Variants in FGF13 observed in about 807,000 individuals in gnomAD.
FGF13 encodes fibroblast growth factor 13, also known as fibroblast growth factor homologous factor 2.
FGF13 carries 2 observed loss-of-function variants against 19.5 expected under a neutral mutation model. The observed-to-expected ratio is 0.10, with a 90% CI of 0.04 to 0.32. The LOEUF is 0.32. FGF13 is among the 10% of genes least tolerant of loss of function. FGF13 has a pLI of 1.00. For synonymous variants in FGF13, 72 were observed against 76.9 expected, an observed-to-expected ratio of 0.94 and a Z score of 0.33; for missense variants, 113 against 192.7, an observed-to-expected ratio of 0.59 and a Z score of 2.45.
At chrX:138,768,980 G>T (rs373509255) in intron 3 of FGF13, among the ~76,000 whole-genome samples, 9 of 109,499 alleles carry the variant, frequency 8.2e-5, no homozygotes, top group East Asian at 5.7e-4. Context: ...GTGTCTAATT[G>T]TGTTATGCTG....
At position 138,950,827 on chromosome X, in the gene FGF13, T is replaced by G. The variant is rs762654955; in HGVS notation, c.-112-86177A>C. 1.2e-4 allele frequency among the ~76,000 whole-genome samples: 13 copies of G among 111,015 alleles called. No individual in the cohort carries two copies. The South Asian group carries it at 5.0e-3, about 42-fold the overall frequency. Reference sequence around the variant, plus strand: ...GTAACTATAGCCTACCCCTTCTTAATGGGTCATCTCTATTTCAATGGTTCT... The same window carrying G: ...GTAACTATAGCCTACCCCTTCTTAAGGGGTCATCTCTATTTCAATGGTTCT... On this transcript the variant is annotated intron_variant, in intron 1 of 2. Coordinates refer to the FGF13 transcript ENST00000421460.
intron 1 of FGF13, among the ~76,000 whole-genome samples, chrX:139,147,769 A>T (rs1464324035): frequency 9.0e-6 from 1 of 110,639 alleles, no homozygotes; most frequent in African/African-American, 3.3e-5. Context: ...CTTTCTCCTT[A>T]TAAAGACACC....
intron 3 of FGF13, among the ~76,000 whole-genome samples, chrX:138,673,355 A>G (rs899823934): frequency 9.0e-6 from 1 of 110,884 alleles, no homozygotes; most frequent in Non-Finnish European, 1.9e-5. Context: ...CATGTTATTT[A>G]CGTAGCCCGC....
At chrX:138,692,957 A>G (rs1436526615) in intron 3 of FGF13, among the ~76,000 whole-genome samples, 4 of 111,252 alleles carry the variant, frequency 3.6e-5, no homozygotes, top group African/African-American at 1.3e-4. Flanking sequence ...AGCCAGTCAC[A>G]TTCTATTTAG....
chrX:139,188,283 A>G (rs190752763), intron 1 of FGF13, among the ~76,000 whole-genome samples: 97 of 112,567 alleles, frequency 8.6e-4, no homozygotes, highest in Non-Finnish European at 1.5e-3. Context: ...AGTATTGTCT[A>G]TCACCTGAAA....
chrX:138,973,084 T>C (rs775406216), intron 1 of FGF13, among the ~76,000 whole-genome samples: 2 of 112,102 alleles, frequency 1.8e-5, no homozygotes, highest in South Asian at 7.4e-4. Context: ...CTCTAGCTCC[T>C]TGAGGTGTAA....
intron 2 of FGF13, among the ~76,000 whole-genome samples, chrX:138,705,685 G>A (rs1472412860): frequency 8.9e-6 from 1 of 111,893 alleles, no homozygotes; most frequent in Non-Finnish European, 1.9e-5. Flanking sequence ...TGTCTAAAGG[G>A]ACAGTCTGCC....
chrX:138,984,420 GGAAGAAGAAGAAA>G (rs1432932895), intron 1 of FGF13, among the ~76,000 whole-genome samples: 1 of 98,423 alleles, frequency 1.0e-5, no homozygotes, highest in Admixed American at 1.2e-4. Context: ...GTCAAACAAA[GGAAGAAGAAGAAA>G]GAAGAAGAAT....
At chrX:139,166,087 A>C (rs1182578531) in intron 1 of FGF13, among the ~76,000 whole-genome samples, 1 of 111,508 alleles carries the variant, frequency 9.0e-6, no homozygotes, top group Non-Finnish European at 1.9e-5. Context: ...TGTGTTTTAA[A>C]ATGTGAGGAC....
chrX:139,050,623 T>C (rs1374507636), intron 1 of FGF13, among the ~76,000 whole-genome samples: 2 of 112,246 alleles, frequency 1.8e-5, no homozygotes, highest in Admixed American at 1.9e-4. Flanking sequence ...AGCACCACTT[T>C]CTCTCAAAGG....
chrX:139,088,139 T>C (rs1234574366), intron 1 of FGF13, among the ~76,000 whole-genome samples: 1 of 112,120 alleles, frequency 8.9e-6, no homozygotes, highest in East Asian at 2.8e-4. Context: ...GAAAACATGC[T>C]GGGCAGCTAT....
chrX:138,749,828 G>A (rs964579079), intron 3 of FGF13, among the ~76,000 whole-genome samples: 3 of 111,730 alleles, frequency 2.7e-5, no homozygotes, highest in African/African-American at 6.5e-5. Flanking sequence ...CCTGGATCAC[G>A]GGATAGGATT....
rs1344281560 is a variant in FGF13 at position 138,628,919 on chromosome X, C to CTGT, written c.*3928_*3930dup. The CTGT allele has an allele frequency of 8.9e-6, 1 of 111,902 alleles. No homozygotes were observed. The highest frequency in any genetic ancestry group is 9.5e-5 in the Admixed American group (1 of 10,543). 9.2% of individuals were successfully genotyped at this position (111,902 alleles called of 1,213,427 possible). ...AACTCCTGGGAGGGGGAATTGGAGCCTGTTTTGCTTTTAAAAAGTTGCAAA... is the reference window on the plus strand; with the variant it reads ...AACTCCTGGGAGGGGGAATTGGAGCCTGTTGTTTTGCTTTTAAAAAGTTGCAAA... On this transcript the variant is annotated 3_prime_UTR_variant, in exon 5 of 5. Transcript: ENST00000315930.
intron 3 of FGF13, among the ~76,000 whole-genome samples, chrX:138,836,086 C>T (rs927847680): frequency 2.7e-5 from 3 of 110,995 alleles, no homozygotes; most frequent in African/African-American, 9.8e-5. Context: ...TTTTAGGTGA[C>T]CTGGCCTTTC....
chrX:138,620,389 G>C lies in FGF13; in HGVS notation c.*12461C>G, dbSNP rs947059051. The C allele has an allele frequency of 1.8e-5, 2 of 110,768 alleles. No individual in the cohort carries two copies. The highest frequency in any genetic ancestry group is 3.3e-5 in the African/African-American group (1 of 30,371). 9.1% of individuals were successfully genotyped at this position (110,768 alleles called of 1,213,427 possible). On this transcript the variant is annotated 3_prime_UTR_variant, in exon 5 of 5. Transcript: ENST00000315930. ...ATGCTTGGCTGAACACCTCAGTGAT[G>C]GGTTGAAGGTGCAGCAAACCACCAT...
At chrX:139,191,877 G>C (rs978640881) in intron 1 of FGF13, among the ~76,000 whole-genome samples, 1 of 111,436 alleles carries the variant, frequency 9.0e-6, no homozygotes, top group Non-Finnish European at 1.9e-5. Flanking sequence ...CTATCATAAG[G>C]GTCAAAATAT....
chrX:138,683,992 C>T (rs1467854683), intron 3 of FGF13, among the ~76,000 whole-genome samples: 3 of 111,363 alleles, frequency 2.7e-5, no homozygotes, highest in African/African-American at 9.8e-5. Context: ...GTTGTAATCA[C>T]GAGCAGGAAA....
intron 2 of FGF13, among the ~76,000 whole-genome samples, chrX:138,704,583 G>A (rs1227665507): frequency 1.8e-5 from 2 of 112,162 alleles, no homozygotes; most frequent in Non-Finnish European, 3.8e-5. Context: ...ACATTCTGCT[G>A]CAGTAGGTGG....
chrX:139,126,637 C>T (rs899725672), intron 1 of FGF13, among the ~76,000 whole-genome samples: 2 of 111,529 alleles, frequency 1.8e-5, no homozygotes, highest in African/African-American at 6.5e-5. Flanking sequence ...CCCCTTGGCA[C>T]TTAGATGAGG....
Sources: allele counts gnomAD v4.1 joint callset (sites outside exome capture counted in the v4.1 genomes callset), GRCh38; gene constraint gnomAD v4.1.1; transcripts MANE v1.5; gene names NCBI Gene and HGNC (gene_info 2026-07-23, HGNC 2026-07-21).